SUMF1: variants seen among roughly 807,000 people sequenced by gnomAD.
SUMF1 encodes sulfatase modifying factor 1, also known as formylglycine-generating enzyme.
Under a neutral mutation model 47.6 loss-of-function variants are expected in SUMF1, and 48 were observed. The observed-to-expected ratio is 1.01, with a 90% CI of 0.80 to 1.28. The LOEUF (loss-of-function observed/expected upper bound fraction) is 1.28, where lower values mean the gene tolerates loss of function less well. Ranked by LOEUF, SUMF1 falls within the 50% of genes most tolerant of loss-of-function variation. The probability of loss-of-function intolerance (pLI) is 0.00; values close to 1 mark genes in which losing one functional copy is unlikely to be tolerated. For missense variants in SUMF1, 571 were observed against 485.4 expected (o/e 1.18, Z -1.66); for synonymous variants, 230 against 192.1 (o/e 1.20, Z -1.63).
chr3:4,090,119 A>T (rs937014301), intron 8 of SUMF1, among the ~76,000 whole-genome samples: 9 of 152,142 alleles, frequency 5.9e-5, no homozygotes, highest in African/African-American at 1.7e-4. Context: ...CTTCATTAAT[A>T]TTTGGTAAAT....
At chr3:4,210,538 A>G (rs1695756954) in intron 8 of SUMF1, among the ~76,000 whole-genome samples, 1 of 152,154 alleles carries the variant, frequency 6.6e-6, no homozygotes, top group Non-Finnish European at 1.5e-5. Flanking sequence ...CCCAGTCCCC[A>G]TAAATGGTGC....
chr3:4,043,915 G>A (rs1288294382), intron 9 of SUMF1, among the ~76,000 whole-genome samples: 1 of 151,752 alleles, frequency 6.6e-6, no homozygotes, highest in East Asian at 1.9e-4. Context: ...TTCTATACTG[G>A]CAATAAAATC....
intron 4 of SUMF1, among the ~76,000 whole-genome samples, chr3:4,418,455 T>G (rs1701789658): frequency 6.6e-6 from 1 of 152,226 alleles, no homozygotes; most frequent in Admixed American, 6.5e-5. Context: ...AGCAGGAGCT[T>G]TCAGCTCCTT....
At chr3:4,146,583 C>T (rs374886459) in intron 8 of SUMF1, among the ~76,000 whole-genome samples, 2 of 151,614 alleles carry the variant, frequency 1.3e-5, no homozygotes, top group Non-Finnish European at 2.9e-5. Flanking sequence ...ATGTGCACAA[C>T]GTGCTGGTTA....
At chr3:4,460,303 C>T (rs910674721) in intron 1 of SUMF1, among the ~76,000 whole-genome samples, 3 of 152,090 alleles carry the variant, frequency 2.0e-5, no homozygotes. Flanking sequence ...ATATACTCTT[C>T]TATATGTTTT....
intron 3 of SUMF1, among the ~76,000 whole-genome samples, chr3:4,440,163 G>C (rs975364486): frequency 6.7e-6 from 1 of 150,352 alleles, no homozygotes; most frequent in Non-Finnish European, 1.5e-5. Context: ...TTGAACCCAG[G>C]AGGCAGAGGT....
intron 8 of SUMF1, among the ~76,000 whole-genome samples, chr3:4,348,560 A>C (rs977662605): frequency 2.0e-5 from 3 of 152,156 alleles, no homozygotes; most frequent in Non-Finnish European, 4.4e-5. Flanking sequence ...TGTAAAACCC[A>C]AAACCATAAA....
chr3:4,432,014 A>G (rs1410463112), intron 3 of SUMF1, among the ~76,000 whole-genome samples: 1 of 151,996 alleles, frequency 6.6e-6, no homozygotes, highest in Admixed American at 6.6e-5. Context: ...ATCTATAGCT[A>G]AACTGAAATC....
At chr3:4,313,672 T>C in intron 8 of SUMF1, 2 of 1,614,042 alleles carry the variant, frequency 1.2e-6, no homozygotes, top group Non-Finnish European at 8.5e-7. Flanking sequence ...CGTAGAAAAG[T>C]CGAACATCAG....
intron 8 of SUMF1, among the ~76,000 whole-genome samples, chr3:4,083,974 T>A (rs2125047389): frequency 6.6e-6 from 1 of 152,218 alleles, no homozygotes; most frequent in South Asian, 2.1e-4. Context: ...GTCTTTCAAT[T>A]TTACAGTAAG....
At chr3:4,136,371 A>C (rs1243314277) in intron 8 of SUMF1, among the ~76,000 whole-genome samples, 3 of 152,170 alleles carry the variant, frequency 2.0e-5, no homozygotes, top group African/African-American at 7.2e-5. Flanking sequence ...GCAATGGGGA[A>C]AGGACTCCCT....
At chr3:4,415,243 AAACAG>A (rs1245913514) in intron 6 of SUMF1, among the ~76,000 whole-genome samples, 5 of 151,824 alleles carry the variant, frequency 3.3e-5, no homozygotes, top group Admixed American at 6.6e-5. Flanking sequence ...AAAAAAAAAA[AAACAG>A]ACAGAAAAAT....
intron 8 of SUMF1, among the ~76,000 whole-genome samples, chr3:4,206,770 G>A (rs905824695): frequency 2.6e-5 from 4 of 151,820 alleles, no homozygotes; most frequent in Non-Finnish European, 5.9e-5. Flanking sequence ...AATTACTGGA[G>A]GGTTCTATTC....
rs1329716379 is a variant in SUMF1, at chr3:4,097,243, T to A, written c.1015-28498A>T. Among the ~76,000 whole-genome samples the A allele has an allele frequency of 2.0e-5, 3 of 152,096 alleles. No individual in the cohort carries two copies. The East Asian group carries it at 5.8e-4, about 29-fold the overall frequency. On this transcript the variant is annotated intron_variant and NMD_transcript_variant, in intron 8 of 12. Coordinates refer to the SUMF1 transcript ENST00000448413. ...AACCTAAATATACCTACTGTAAGTT[T>A]ATTATTTCTTTAAAACCTCTGGTTG... is the stretch of plus-strand genomic sequence containing the variant.
At chr3:4,301,103 A>G (rs1229100051) in intron 8 of SUMF1, among the ~76,000 whole-genome samples, 2 of 152,226 alleles carry the variant, frequency 1.3e-5, no homozygotes, top group South Asian at 2.1e-4. Flanking sequence ...AATGGCTTAT[A>G]AAGTAGGAGA....
intron 7 of SUMF1, among the ~76,000 whole-genome samples, chr3:4,388,036 A>T (rs1239179729): frequency 6.6e-6 from 1 of 152,046 alleles, no homozygotes; most frequent in African/African-American, 2.4e-5. Flanking sequence ...GAAAAGGGGT[A>T]TTCTGCAGTT....
At chr3:4,134,381 C>A (rs1026658160) in intron 8 of SUMF1, among the ~76,000 whole-genome samples, 2 of 152,104 alleles carry the variant, frequency 1.3e-5, no homozygotes, top group African/African-American at 4.8e-5. Flanking sequence ...GGGTACATAA[C>A]AAAATGAAGG....
intron 8 of SUMF1, among the ~76,000 whole-genome samples, chr3:4,306,813 G>A (rs761942476): frequency 2.6e-5 from 4 of 152,178 alleles, no homozygotes; most frequent in Non-Finnish European, 5.9e-5. Context: ...TGTCTGTTTT[G>A]CCTTTGGCTA....
chr3:4,230,457 A>G (rs924381895), intron 8 of SUMF1, among the ~76,000 whole-genome samples: 7 of 152,080 alleles, frequency 4.6e-5, no homozygotes, highest in African/African-American at 7.2e-5. Context: ...CACTTGACTT[A>G]TATTTATTGG....
Sources: allele counts gnomAD v4.1 joint callset (sites outside exome capture counted in the v4.1 genomes callset), GRCh38; gene constraint gnomAD v4.1.1; transcripts MANE v1.5; gene names NCBI Gene and HGNC (gene_info 2026-07-23, HGNC 2026-07-21).